Variants in WWC1 observed in about 807,000 individuals in gnomAD.
WWC1 encodes protein KIBRA.
A neutral mutation model predicts 138.4 loss-of-function variants in WWC1; 55 were observed. The observed-to-expected ratio is 0.40, with a 90% CI of 0.32 to 0.50. The LOEUF (loss-of-function observed/expected upper bound fraction) is 0.50. Ranked by LOEUF, WWC1 falls within the 20% of genes least tolerant of loss-of-function variation. WWC1 has a pLI of 0.72. For missense variants in WWC1, 1,226 were observed against 1,420.4 expected, an observed-to-expected ratio of 0.86 and a Z score of 2.20; for synonymous variants, 524 against 564.9, an observed-to-expected ratio of 0.93 and a Z score of 1.03.
chr5:168,436,928 C>T (rs916022076), intron 15 of WWC1, among the ~76,000 whole-genome samples: 2 of 152,200 alleles, frequency 1.3e-5, no homozygotes, highest in African/African-American at 4.8e-5. Flanking sequence ...CATTCTTTTG[C>T]TAAAACCTTA....
chr5:168,376,423 AG>A (rs1777172189), intron 2 of WWC1, among the ~76,000 whole-genome samples: 1 of 152,234 alleles, frequency 6.6e-6, no homozygotes, highest in Admixed American at 6.5e-5. Flanking sequence ...AGGAAGTCCT[AG>A]CCAGAGCAAT....
intron 2 of WWC1, among the ~76,000 whole-genome samples, chr5:168,381,449 A>G (rs116672384): frequency 1.4e-3 from 208 of 152,278 alleles, no homozygotes; most frequent in African/African-American, 4.5e-3. Context: ...TCAGTGACCA[A>G]TCGGCCCATG....
chr5:168,353,830 C>CG (rs1386295639), intron 1 of WWC1, among the ~76,000 whole-genome samples: 1 of 152,192 alleles, frequency 6.6e-6, no homozygotes, highest in African/African-American at 2.4e-5. Context: ...CCAGCATGCA[C>CG]GGATTTCACC....
intron 1 of WWC1, among the ~76,000 whole-genome samples, chr5:168,355,372 G>T (rs1377300680): frequency 6.6e-6 from 1 of 151,610 alleles, no homozygotes; most frequent in Non-Finnish European, 1.5e-5. Flanking sequence ...TGGGGGCCTG[G>T]AATCCCAGCT....
intron 1 of WWC1, among the ~76,000 whole-genome samples, chr5:168,354,390 CT>C (rs1278798686): frequency 6.6e-6 from 1 of 152,140 alleles, no homozygotes; most frequent in Non-Finnish European, 1.5e-5. Flanking sequence ...TATTGATGCA[CT>C]GGAATAGAAT....
rs61085105 is a variant in WWC1, at chr5:168,395,144, C to T, written c.434-2580C>T. ...TGGCGTGACTGGTCTACACAGCCAACCTCTCCCTGTCTGAGTCAGGTCTTG... is the reference window on the plus strand; with the variant it reads ...TGGCGTGACTGGTCTACACAGCCAATCTCTCCCTGTCTGAGTCAGGTCTTG... On this transcript the variant is annotated intron_variant, in intron 3 of 22. Coordinates refer to ENST00000265293, the MANE Select transcript of WWC1 (RefSeq NM_015238.3). Among the ~76,000 whole-genome samples, 1,423 of 152,328 alleles carry T rather than the reference C, an allele frequency of 9.3e-3. 27 individuals are homozygous for T. Among genetic ancestry groups the T allele is most frequent in the African/African-American group, 0.032 (1,348 of 41,564 alleles).
At chr5:168,440,564 T>C (rs750607653) in intron 15 of WWC1, among the ~76,000 whole-genome samples, 8 of 152,218 alleles carry the variant, frequency 5.3e-5, no homozygotes, top group Non-Finnish European at 7.3e-5. Flanking sequence ...TTGCCCAGGC[T>C]GGAGTGCAAT....
In WWC1 at chr5:168,455,448, A is replaced by T. The variant is rs755128270; in HGVS notation, c.2751A>T (p.Pro917=). 1.2e-6 allele frequency: 2 copies of T among 1,612,686 alleles called. No individual in the cohort carries two copies. Among genetic ancestry groups the T allele is most frequent in the Non-Finnish European group, 8.5e-7 (1 of 1,179,410 alleles). ...GAGTGGGCACCCCGTCCCAGGGGCC[A>T]TTTCTTCGAGGGAGCACCATCATCC... ...DRRVGTPSQG[P]FLRGSTIIRS... is the part of the protein sequence containing the mutation. The change falls in exon 19 of 23, where the codon CCA becomes CCT. Residue 917 remains proline, a synonymous_variant. Transcript: ENST00000265293.
intron 3 of WWC1, among the ~76,000 whole-genome samples, chr5:168,390,283 A>C (rs1778378367): frequency 6.6e-6 from 1 of 152,218 alleles, no homozygotes; most frequent in Non-Finnish European, 1.5e-5. Flanking sequence ...TATTATTATT[A>C]GTTCATTCGC....
chr5:168,431,409 T>G lies in WWC1; in HGVS notation c.2245T>G (p.Cys749Gly). ...CCAGAAGACCTTAAGAGTCGATGTC[T>G]GTACCACCGACAGGAGCCATCTGGA... The part of the protein sequence containing the change: ...LHQKTLRVDV[C>G]TTDRSHLEEC... Residue 749 changes from cysteine (C) to glycine (G), a missense_variant, in exon 15 of 23, where the codon TGT (cysteine) becomes GGT (glycine). Coordinates refer to ENST00000265293, the MANE Select transcript of WWC1 (RefSeq NM_015238.3). 1 of 1,613,424 alleles carries G rather than the reference T, an allele frequency of 6.2e-7. No individual in the cohort carries two copies. The highest frequency in any genetic ancestry group is 8.5e-7 in the Non-Finnish European group (1 of 1,179,894).
At chr5:168,467,392 A>T (rs555554340) in intron 21 of WWC1, among the ~76,000 whole-genome samples, 1 of 152,336 alleles carries the variant, frequency 6.6e-6, no homozygotes, top group East Asian at 1.9e-4. Flanking sequence ...ATACGTTTAC[A>T]TTAGGAGGAA....
In WWC1 at chr5:168,292,576, C is replaced by T. The variant is rs1335469089; in HGVS notation, c.119+305C>T. On this transcript the variant is annotated intron_variant, in intron 1 of 22. Transcript: ENST00000265293. The surrounding 1 kb of genome is among the most constrained non-coding windows in gnomAD (Gnocchi z 4.4). The stretch of plus-strand genomic sequence containing the variant: ...TGACCTTAAGCTCTAGCCCCGCCCG[C>T]CCCCTTTAGGAAGAGAGGTCGGGCG... Among the ~76,000 whole-genome samples, 2 of 152,078 alleles carry T rather than the reference C, an allele frequency of 1.3e-5. No homozygotes were observed. The highest frequency in any genetic ancestry group is 4.8e-5 in the African/African-American group (2 of 41,424).
At chr5:168,408,901 C>G (rs1332998340) in intron 7 of WWC1, among the ~76,000 whole-genome samples, 1 of 152,132 alleles carries the variant, frequency 6.6e-6, no homozygotes, top group African/African-American at 2.4e-5. Flanking sequence ...ATTGCCTGGC[C>G]AGGTGCTTGT....
At chr5:168,428,863 A>T in intron 13 of WWC1, 76 bp downstream of exon 13, 1 of 1,520,600 alleles carries the variant, frequency 6.6e-7, no homozygotes, top group African/African-American at 1.4e-5. Context: ...GTTCCCCAGC[A>T]TTTACCTTCA....
intron 5 of WWC1, 83 bp from the exon 6 acceptor site, chr5:168,406,115 T>C (rs1779767671): frequency 6.6e-7 from 1 of 1,526,048 alleles, no homozygotes; most frequent in South Asian, 1.2e-5. Flanking sequence ...GGGACTGAAG[T>C]CCTGTGGTCT....
At chr5:168,455,232 AC>A in intron 18 of WWC1, 123 bp from the exon 19 acceptor site, 1 of 1,241,586 alleles carries the variant, frequency 8.1e-7, no homozygotes, top group Non-Finnish European at 1.1e-6. Context: ...TGCCAAGGAA[AC>A]CCTGGTTGTG....
chr5:168,309,230 C>T (rs553247069), intron 1 of WWC1, among the ~76,000 whole-genome samples: 1 of 146,662 alleles, frequency 6.8e-6, no homozygotes, highest in African/African-American at 2.7e-5. Flanking sequence ...GTCCCCAAGC[C>T]TTCAACCACA....
intron 1 of WWC1, among the ~76,000 whole-genome samples, chr5:168,311,840 G>GT (rs1771115189): frequency 6.6e-6 from 1 of 150,500 alleles, no homozygotes; most frequent in African/African-American, 2.5e-5. Context: ...TTGTGCCACT[G>GT]CACTCCAGTC....
intron 2 of WWC1, among the ~76,000 whole-genome samples, chr5:168,373,412 G>T (rs532282708): frequency 1.3e-5 from 2 of 152,158 alleles, no homozygotes; most frequent in South Asian, 4.2e-4. Context: ...AAGCTGTCAG[G>T]CTACTGGTTT....
Sources: allele counts gnomAD v4.1 joint callset (sites outside exome capture counted in the v4.1 genomes callset), GRCh38; gene constraint gnomAD v4.1.1; non-coding constraint Gnocchi (gnomAD v3.1); transcripts MANE v1.5; gene names NCBI Gene and HGNC (gene_info 2026-07-23, HGNC 2026-07-21).